PNISR: variants seen among roughly 807,000 people sequenced by gnomAD.
PNISR encodes the protein arginine/serine-rich protein PNISR.
A neutral mutation model predicts 93.4 loss-of-function variants in PNISR; 20 were observed. The observed-to-expected ratio is 0.21, with a 90% CI of 0.15 to 0.31. The LOEUF (loss-of-function observed/expected upper bound fraction) is 0.31. Ranked by LOEUF, PNISR falls within the 10% of genes least tolerant of loss-of-function variation. The probability of loss-of-function intolerance (pLI) is 1.00; values close to 1 mark genes in which losing one functional copy is unlikely to be tolerated. For missense variants in PNISR, 893 were observed against 985.4 expected (o/e 0.91, Z 1.25); for synonymous variants, 305 against 306.5 (o/e 0.99, Z 0.05).
chr6:99,422,486 A>G (rs1412546613), intron 1 of PNISR, among the ~76,000 whole-genome samples: 2 of 152,240 alleles, frequency 1.3e-5, no homozygotes, highest in African/African-American at 4.8e-5. Flanking sequence ...TCTTGTAATC[A>G]TTCGAAATAC....
At chr6:99,419,198 T>C (rs1469971378) in intron 1 of PNISR, among the ~76,000 whole-genome samples, 2 of 115,784 alleles carry the variant, frequency 1.7e-5, no homozygotes, top group South Asian at 2.7e-4. Context: ...AAAGGGCAAT[T>C]TACCATTATG....
chr6:99,401,958 G>A (rs1486450976), intron 11 of PNISR, among the ~76,000 whole-genome samples: 1 of 152,144 alleles, frequency 6.6e-6, no homozygotes, highest in African/African-American at 2.4e-5. Context: ...GTTCTCTATA[G>A]CTTGTAGTTA....
At position 99,402,433 on chromosome 6, in the gene PNISR, T is replaced by C. The variant is rs576966328; in HGVS notation, c.1327+107A>G. On this transcript the variant is annotated intron_variant, in intron 11 of 11. Transcript: ENST00000369239. Reference sequence around the variant, plus strand: ...CTTTAGTTTCAGTTATATCACATATTATTTATAATATAGCCTTTATTTTAT... The same window carrying C: ...CTTTAGTTTCAGTTATATCACATATCATTTATAATATAGCCTTTATTTTAT... 2.8e-5 allele frequency: 23 copies of C among 825,686 alleles called. No individual in the cohort carries two copies. The East Asian group carries it at 4.3e-4, about 15-fold the overall frequency. 51.1% of individuals were successfully genotyped at this position (825,686 alleles called of 1,614,324 possible).
Position 99,418,991 on chromosome 6 carries a change from T to C in PNISR, c.-111-2563A>G, listed in dbSNP as rs181889467. ...CGGTGAAACCCGTCTCTATTAAAAA[T>C]ACAAAAAAATTAGCCGGACATGGTG... On this transcript the variant is annotated intron_variant, in intron 1 of 11. Transcript: ENST00000369239. 1.7e-3 allele frequency among the ~76,000 whole-genome samples: 262 copies of C among 150,878 alleles called. 1 individual carries two copies. Among genetic ancestry groups the C allele is most frequent in the African/African-American group, 6.1e-3 (251 of 41,212 alleles).
chr6:99,404,896 A>C (rs1775963324), intron 8 of PNISR, among the ~76,000 whole-genome samples, 194 bp from the exon 9 acceptor site: 1 of 151,780 alleles, frequency 6.6e-6, no homozygotes, highest in Non-Finnish European at 1.5e-5. Context: ...CTCTTGCCTC[A>C]GTCTCCCAAG....
intron 1 of PNISR, among the ~76,000 whole-genome samples, chr6:99,424,399 C>G (rs1779137792): frequency 6.9e-6 from 1 of 145,420 alleles, no homozygotes; most frequent in South Asian, 2.4e-4. Context: ...AACATAAAGT[C>G]TATTAGTAAG....
intron 1 of PNISR, 30 bp from the exon 2 acceptor site, chr6:99,416,458 A>C: frequency 2.8e-6 from 2 of 713,334 alleles, no homozygotes; most frequent in South Asian, 1.4e-4. Context: ...ATGTCTGCTT[A>C]TAGATTATCA....
Position 99,416,405 on chromosome 6 carries a change from C to A in PNISR, c.-88G>T. 8.2e-7 allele frequency: 1 copy of A among 1,215,746 alleles called. No homozygotes were observed. The highest frequency in any genetic ancestry group is 1.0e-6 in the Non-Finnish European group (1 of 973,492). 75.3% of individuals were successfully genotyped at this position (1,215,746 alleles called of 1,614,324 possible). On this transcript the variant is annotated 5_prime_UTR_variant, in exon 2 of 12. An upstream start codon of the reference 5' UTR is lost. Transcript: ENST00000369239. Reference sequence around the variant, plus strand: ...GTTGATTCAGACTACAGCTTCGAAGCATAGCAGCAAGATTATGTATGCCCT... The same window carrying A: ...GTTGATTCAGACTACAGCTTCGAAGAATAGCAGCAAGATTATGTATGCCCT...
At chr6:99,421,390 T>C (rs1035952364) in intron 1 of PNISR, among the ~76,000 whole-genome samples, 1 of 152,148 alleles carries the variant, frequency 6.6e-6, no homozygotes, top group African/African-American at 2.4e-5. Context: ...TACTTGTGAG[T>C]ATCAAGTGAT....
In PNISR at chr6:99,401,606, A is replaced by G; in HGVS notation, c.1352T>C (p.Val451Ala). 1 of 1,546,032 alleles carries G rather than the reference A, an allele frequency of 6.5e-7. No individual in the cohort carries two copies. The highest frequency in any genetic ancestry group is 1.2e-5 in the South Asian group (1 of 81,552). ...MEEEKQQTER[V>A]TKEMNEFIHK... ...GATAAATTCATTCATCTCTTTTGTA[A>G]CCCTTTCTGTTTGCTGCTTTTCTTC... The change falls in exon 12 of 12, where the codon GTT (valine) becomes GCT (alanine). Residue 451 changes from valine (V) to alanine (A), a missense_variant. Val to Ala is a moderately conservative substitution (Grantham distance 64, BLOSUM62 0). Around this residue, in one of 3 missense-constraint regions of PNISR, gnomAD observed 866 missense variants for 935.1 expected, o/e 0.93. Transcript: ENST00000369239.
rs762728477 is a variant in PNISR at position 99,400,509 on chromosome 6, A to T, written c.*31T>A. 5.1e-6 allele frequency: 8 copies of T among 1,571,694 alleles called. No individual in the cohort carries two copies. The highest frequency in any genetic ancestry group is 1.7e-4 in the Middle Eastern group (1 of 5,852). On this transcript the variant is annotated 3_prime_UTR_variant, in exon 12 of 12. Coordinates refer to ENST00000369239, the MANE Select transcript of PNISR (RefSeq NM_032870.4). ...TGAATAAATTCAGTCAATTTTTTTT[A>T]AAAATCAGACAAAATACTTTAAAAA...
intron 1 of PNISR, among the ~76,000 whole-genome samples, chr6:99,424,649 C>G (rs915629559): frequency 6.6e-6 from 1 of 152,244 alleles, no homozygotes; most frequent in African/African-American, 2.4e-5. Context: ...GTTAATTTAA[C>G]AACCCACAAA....
chr6:99,421,594 A>G (rs1177944104), intron 1 of PNISR, among the ~76,000 whole-genome samples: 2 of 152,226 alleles, frequency 1.3e-5, no homozygotes, highest in Non-Finnish European at 2.9e-5. Flanking sequence ...AGGATTGACA[A>G]GAACTACCAA....
chr6:99,401,455 T>G lies in PNISR; in HGVS notation c.1503A>C (p.Glu501Asp), dbSNP rs146519753. 17 of 1,609,534 alleles carry G rather than the reference T, an allele frequency of 1.1e-5. No homozygotes were observed. The highest frequency in any genetic ancestry group is 1.7e-6 in the Non-Finnish European group (2 of 1,178,754). The change falls in exon 12 of 12, where the codon GAA becomes GAC. Residue 501 changes from glutamate to aspartate, a missense_variant. Coordinates refer to ENST00000369239, the MANE Select transcript of PNISR (RefSeq NM_032870.4). ...ACCTACTCCTTCCTTGTTTTTCTTT[T>G]TCTTTATGCTCTTTTTTTGGTTCTA... ...SVLEPKKEHK[E>D]KEKQGRSRSG...
At position 99,402,530 on chromosome 6, in the gene PNISR, T is replaced by A. The variant is rs757132760; in HGVS notation, c.1327+10A>T. 2.5e-6 allele frequency: 4 copies of A among 1,579,372 alleles called. No homozygotes were observed. ...CTGGACCAAAATTAAGTCTAAAAGG[T>A]ATACTACACCTTCCATCTGTTTATC... On this transcript the variant is annotated intron_variant, in intron 11 of 11. Transcript: ENST00000369239.
chr6:99,412,977 TA>T (rs35643903), intron 3 of PNISR, among the ~76,000 whole-genome samples: 19,807 of 152,080 alleles, frequency 0.13, 1,839 homozygotes, highest in Non-Finnish European at 0.18. Context: ...ATAAACTACT[TA>T]CACTTTCAGG....
rs1284706272 is a variant in PNISR, at chr6:99,399,538, T to A, written c.*1002A>T. The A allele has an allele frequency of 6.6e-6, 1 of 152,156 alleles. No individual in the cohort carries two copies. Among genetic ancestry groups the A allele is most frequent in the African/African-American group, 2.4e-5 (1 of 41,442 alleles). The allele number at this position is 152,156 out of a possible 1,614,324, so 9.4% of individuals were successfully genotyped here. A position where few individuals can be genotyped will look rare whatever the true frequency, so the allele number is the denominator to read the frequency against. On this transcript the variant is annotated 3_prime_UTR_variant, in exon 12 of 12. Transcript: ENST00000369239. ...TGCTTCTAAAACAGAAGTGGGTGACTGTAGAATATAGTTCCAGACTTGACT... is the reference window on the plus strand; with the variant it reads ...TGCTTCTAAAACAGAAGTGGGTGACAGTAGAATATAGTTCCAGACTTGACT...
At chr6:99,405,467 C>CATAA (rs919380337) in intron 8 of PNISR, among the ~76,000 whole-genome samples, 18 of 151,928 alleles carry the variant, frequency 1.2e-4, no homozygotes, top group African/African-American at 2.9e-4. Context: ...ACTCCATCTC[C>CATAA]ATAAATAAAT....
intron 11 of PNISR, among the ~76,000 whole-genome samples, chr6:99,402,330 A>G (rs1055914587): frequency 6.6e-6 from 1 of 152,222 alleles, no homozygotes; most frequent in African/African-American, 2.4e-5. Flanking sequence ...TTTTAGCAAG[A>G]AATAAAAATA....
Sources: gnomAD v4.1 joint callset for allele counts (sites outside exome capture counted in the v4.1 genomes callset) on GRCh38, gnomAD v4.1.1 for gene constraint, gnomAD v4.1.1 regional missense constraint, MANE v1.5 for transcripts, NCBI Gene and HGNC (gene_info 2026-07-23, HGNC 2026-07-21) for gene names.